Variants in PTPRN2 observed in about 807,000 individuals in gnomAD.
PTPRN2 encodes the protein protein tyrosine phosphatase receptor type N2, also known as receptor-type tyrosine-protein phosphatase N2.
Under a neutral mutation model 118.8 loss-of-function variants are expected in PTPRN2, and 74 were observed. That is an observed-to-expected ratio of 0.62 (90% CI 0.52 to 0.76). The LOEUF is 0.76. Among genes scored for constraint, PTPRN2 ranks in the 30% least tolerant of loss-of-function variants. The pLI is 0.00. For synonymous variants in PTPRN2, 641 were observed against 608.0 expected (o/e 1.05, Z -0.80); for missense variants, 1,481 against 1,394.4 (o/e 1.06, Z -0.99).
intron 2 of PTPRN2, among the ~76,000 whole-genome samples, chr7:158,430,688 C>T (rs1019165165): frequency 2.5e-4 from 38 of 152,228 alleles, no homozygotes; most frequent in African/African-American, 8.0e-4. Flanking sequence ...GGGCCGACAC[C>T]GTGTCACTGC....
At chr7:157,799,657 T>G (rs986292291) in intron 12 of PTPRN2, among the ~76,000 whole-genome samples, 5 of 152,096 alleles carry the variant, frequency 3.3e-5, no homozygotes, top group Admixed American at 3.3e-4. Context: ...TAAGTCACAA[T>G]TTAAGTCACA....
Position 157,622,387 on chromosome 7 carries a change from T to C in PTPRN2, c.2197-878A>G, listed in dbSNP as rs1383614894. Among the ~76,000 whole-genome samples the C allele has an allele frequency of 6.6e-6, 1 of 152,086 alleles. No homozygotes were observed. The highest frequency in any genetic ancestry group is 1.5e-5 in the Non-Finnish European group (1 of 68,008). On this transcript the variant is annotated intron_variant, in intron 14 of 22. Coordinates refer to ENST00000389418, the MANE Select transcript of PTPRN2 (RefSeq NM_002847.5). The surrounding 1 kb of genome is among the most constrained non-coding windows in gnomAD (Gnocchi z 5.3). ...GCTGCAAAGCGGCCACGCATTCCAA[T>C]GTCAGGCCCGGGGTCCAAGCCCTTC...
At chr7:157,956,871 AGTT>A (rs1347842665) in intron 11 of PTPRN2, among the ~76,000 whole-genome samples, 2 of 152,248 alleles carry the variant, frequency 1.3e-5, no homozygotes, top group Admixed American at 6.5e-5. Flanking sequence ...TACAAAAAGA[AGTT>A]GTTTCAATTG....
chr7:158,301,366 C>CTGAACAGATTCTCAATTGTAAGAA (rs1563105766), intron 3 of PTPRN2, among the ~76,000 whole-genome samples: 1 of 152,180 alleles, frequency 6.6e-6, no homozygotes, highest in East Asian at 1.9e-4. Context: ...CATTAATATG[C>CTGAACAGATTCTCAATTGTAAGAA]GCTCAATTGT....
intron 12 of PTPRN2, among the ~76,000 whole-genome samples, chr7:157,788,757 G>T (rs56123398): frequency 0.16 from 24,396 of 152,002 alleles, 2,692 homozygotes; most frequent in African/African-American, 0.31. Context: ...GGGAGGCCTC[G>T]GGGGCCACAT....
chr7:158,432,898 T>C (rs960531875), intron 2 of PTPRN2, among the ~76,000 whole-genome samples: 3 of 152,162 alleles, frequency 2.0e-5, no homozygotes, highest in Admixed American at 1.3e-4. Flanking sequence ...CCCCGCGCCC[T>C]GACAAATGTT....
chr7:158,240,012 G>A (rs1218574436), intron 3 of PTPRN2, among the ~76,000 whole-genome samples: 1 of 152,160 alleles, frequency 6.6e-6, no homozygotes, highest in East Asian at 1.9e-4. Flanking sequence ...AGGGGAGGTG[G>A]CCTCCAGCGC....
At chr7:158,273,553 CAG>C (rs1245908615) in intron 3 of PTPRN2, among the ~76,000 whole-genome samples, 3 of 106,706 alleles carry the variant, frequency 2.8e-5, no homozygotes, top group African/African-American at 4.4e-5. Context: ...GCCGCAGACA[CAG>C]GGGGAGCCGC....
chr7:158,532,930 G>A (rs1825363449), intron 1 of PTPRN2: 1 of 415,732 alleles, frequency 2.4e-6, no homozygotes, highest in Admixed American at 2.5e-5. Flanking sequence ...CTCCTGACTG[G>A]CCTCTCTCTA....
intron 14 of PTPRN2, among the ~76,000 whole-genome samples, chr7:157,650,318 G>A (rs1282364532): frequency 6.6e-6 from 1 of 152,240 alleles, no homozygotes; most frequent in Non-Finnish European, 1.5e-5. Flanking sequence ...CTGGGAAGGG[G>A]GGACTATGTA....
chr7:157,699,662 G>A (rs770256817), intron 12 of PTPRN2, among the ~76,000 whole-genome samples: 19 of 152,140 alleles, frequency 1.2e-4, no homozygotes, highest in Non-Finnish European at 2.6e-4. Flanking sequence ...TCCCAACCTC[G>A]GGTGGTCTGC....
At chr7:158,506,626 T>G (rs10259517) in intron 1 of PTPRN2, among the ~76,000 whole-genome samples, 1 of 151,416 alleles carries the variant, frequency 6.6e-6, no homozygotes, top group Non-Finnish European at 1.5e-5. Flanking sequence ...ACAGTGGACT[T>G]TTGGCCACCA....
chr7:158,469,081 C>T (rs1402692209), intron 2 of PTPRN2, among the ~76,000 whole-genome samples: 1 of 152,234 alleles, frequency 6.6e-6, no homozygotes, highest in Non-Finnish European at 1.5e-5. Context: ...GGTGGATCAA[C>T]ACTATGCACA....
Position 157,595,284 on chromosome 7 carries a change from A to T in PTPRN2, c.2450T>A (p.Ile817Asn). The change falls in exon 17 of 23, where the codon ATC becomes AAC. Residue 817 changes from isoleucine (I) to asparagine (N), a missense_variant. This residue lies in a region of PTPRN2 where 362 missense variants were observed against 384.1 expected (regional missense o/e 0.94). Coordinates refer to ENST00000389418, the MANE Select transcript of PTPRN2 (RefSeq NM_002847.5). ...GGCGGGCAGCGGTCCCTGGGTGGCG[A>T]TGTACGCGGGGTTCCTCGGGTCGTG... ...MDHDPRNPAY[I>N]ATQGPLPATV... 1 of 1,614,222 alleles carries T rather than the reference A, an allele frequency of 6.2e-7. No homozygotes were observed. Among genetic ancestry groups the T allele is most frequent in the Non-Finnish European group, 8.5e-7 (1 of 1,180,050 alleles).
rs1802808032 is a variant in PTPRN2 at position 157,977,038 on chromosome 7, A to G, written c.1724-78301T>C. Among the ~76,000 whole-genome samples the G allele has an allele frequency of 6.6e-6, 1 of 152,028 alleles. No individual in the cohort carries two copies. The highest frequency in any genetic ancestry group is 1.5e-5 in the Non-Finnish European group (1 of 67,972). On this transcript the variant is annotated intron_variant, in intron 11 of 22. Coordinates refer to ENST00000389418, the MANE Select transcript of PTPRN2 (RefSeq NM_002847.5). The surrounding 1 kb of genome is among the most constrained non-coding windows in gnomAD (Gnocchi z 4.6). ...TGTAATTATGAAAAGCCATAAACACAGTAGTTTCCATGAAAAACTATGAGT... is the reference window on the plus strand; with the variant it reads ...TGTAATTATGAAAAGCCATAAACACGGTAGTTTCCATGAAAAACTATGAGT...
Position 157,990,560 on chromosome 7 carries a change from G to A in PTPRN2, c.1723+90738C>T, listed in dbSNP as rs1414007112. Among the ~76,000 whole-genome samples, 1 of 152,144 alleles carries A rather than the reference G, an allele frequency of 6.6e-6. No individual in the cohort carries two copies. Among genetic ancestry groups the A allele is most frequent in the African/African-American group, 2.4e-5 (1 of 41,442 alleles). ...GGCAAGTTCTGGGCAGGGGGAGAGC[G>A]ACACAAGGCAAGGGAGGAGACATCG... is the stretch of plus-strand genomic sequence containing the variant. On this transcript the variant is annotated intron_variant, in intron 11 of 22. Transcript: ENST00000389418. This position sits in a 1 kb window ranked among gnomAD's most constrained non-coding sequence, Gnocchi z 4.3.
At position 158,295,778 on chromosome 7, in the gene PTPRN2, C is replaced by A. The variant is rs143163485; in HGVS notation, c.277+21041G>T. ...CAAACACTGCACCACTCTCCATCCG[C>A]ACGGTTCACCCGCCTTTCTGAGGGT... is the stretch of plus-strand genomic sequence containing the variant. On this transcript the variant is annotated intron_variant, in intron 3 of 22. Transcript: ENST00000389418. 2.8e-4 allele frequency among the ~76,000 whole-genome samples: 42 copies of A among 151,712 alleles called. 1 individual carries two copies. The highest frequency in any genetic ancestry group is 9.7e-4 in the African/African-American group (40 of 41,362).
intron 12 of PTPRN2, among the ~76,000 whole-genome samples, chr7:157,876,141 C>T (rs913347990): frequency 1.2e-4 from 18 of 152,226 alleles, no homozygotes; most frequent in Non-Finnish European, 2.1e-4. Context: ...CGCTCACCCT[C>T]CCTCCTCTCC....
intron 12 of PTPRN2, among the ~76,000 whole-genome samples, chr7:157,871,897 C>T (rs1472987118): frequency 6.6e-6 from 1 of 151,762 alleles, no homozygotes; most frequent in Non-Finnish European, 1.5e-5. Context: ...CACCTCCCCA[C>T]ACACAAATAC....
Sources: gnomAD v4.1 joint callset for allele counts (sites outside exome capture counted in the v4.1 genomes callset) on GRCh38, gnomAD v4.1.1 for gene constraint, gnomAD v4.1.1 regional missense constraint, Gnocchi (gnomAD v3.1) non-coding constraint, MANE v1.5 for transcripts, NCBI Gene and HGNC (gene_info 2026-07-23, HGNC 2026-07-21) for gene names.